ADAM9: variants seen among roughly 807,000 people sequenced by gnomAD.
ADAM9 encodes disintegrin and metalloproteinase domain-containing protein 9.
A neutral mutation model predicts 108.1 loss-of-function variants in ADAM9; 54 were observed. The observed-to-expected ratio is 0.50, with a 90% CI of 0.40 to 0.63. The LOEUF is 0.63. Among genes scored for constraint, ADAM9 ranks in the 20% least tolerant of loss-of-function variants. ADAM9 has a pLI of 0.00. For synonymous variants in ADAM9, 316 were observed against 336.0 expected (o/e 0.94, Z 0.65); for missense variants, 830 against 997.7 (o/e 0.83, Z 2.26).
chr8:39,042,788 CT>C (rs1408869068), intron 12 of ADAM9, among the ~76,000 whole-genome samples: 12 of 151,964 alleles, frequency 7.9e-5, no homozygotes, highest in African/African-American at 2.7e-4. Context: ...GAAATTGATC[CT>C]TCTAAGAGAT....
At chr8:39,018,081 T>G (rs1836603581) in intron 6 of ADAM9, among the ~76,000 whole-genome samples, 1 of 152,210 alleles carries the variant, frequency 6.6e-6, no homozygotes, top group South Asian at 2.1e-4. Context: ...GCTATAGCAC[T>G]TCATGATTTA....
At position 39,046,902 on chromosome 8, in the gene ADAM9, G is replaced by C. The variant is rs1353230429; in HGVS notation, c.1302+4785G>C. Among the ~76,000 whole-genome samples the C allele has an allele frequency of 3.9e-5, 6 of 152,008 alleles. No homozygotes were observed. In the South Asian group the frequency reaches 1.2e-3, roughly 32 times the overall value. On this transcript the variant is annotated intron_variant, in intron 12 of 21. Transcript: ENST00000487273. ...TCGTGCCTCAGCCTCTTGAGTAGTC[G>C]GGACTACAGGCATATGCCACCATGC... is the stretch of plus-strand genomic sequence containing the variant.
chr8:39,039,151 A>G (rs1294124826), intron 11 of ADAM9, among the ~76,000 whole-genome samples: 4 of 152,194 alleles, frequency 2.6e-5, no homozygotes, highest in South Asian at 4.1e-4. Context: ...CAAGCTATAG[A>G]TAGGGCTGCT....
intron 14 of ADAM9, among the ~76,000 whole-genome samples, chr8:39,064,486 C>G (rs1036231084): frequency 2.6e-5 from 4 of 152,140 alleles, no homozygotes; most frequent in African/African-American, 9.6e-5. Flanking sequence ...AACTGAAAAT[C>G]CCAGATTTGT....
chr8:39,054,603 A>C (rs78564676), intron 13 of ADAM9, 30 bp downstream of exon 13: 3 of 275,630 alleles, frequency 1.1e-5, no homozygotes, highest in Non-Finnish European at 9.7e-6. Flanking sequence ...TGGAAACAGG[A>C]AAAAAAAAAA....
At chr8:39,008,318 G>A (rs1479102936) in intron 2 of ADAM9, among the ~76,000 whole-genome samples, 1 of 152,002 alleles carries the variant, frequency 6.6e-6, no homozygotes, top group East Asian at 1.9e-4. Flanking sequence ...CTACAGGCAT[G>A]TGCCACCATG....
intron 20 of ADAM9, among the ~76,000 whole-genome samples, chr8:39,098,121 T>C (rs868671021): frequency 2.6e-5 from 4 of 152,194 alleles, no homozygotes; most frequent in South Asian, 2.1e-4. Flanking sequence ...CTTTTTTTTT[T>C]CCTAAGAACT....
At chr8:39,017,080 T>C (rs2129433149) in intron 5 of ADAM9, 139 bp from the exon 6 acceptor site, 1 of 919,542 alleles carries the variant, frequency 1.1e-6, no homozygotes, top group South Asian at 1.5e-5. Context: ...ATCTGTCTGA[T>C]TCTAAAGCCT....
At chr8:39,080,957 T>G (rs1839003936) in intron 16 of ADAM9, among the ~76,000 whole-genome samples, 1 of 149,832 alleles carries the variant, frequency 6.7e-6, no homozygotes, top group Non-Finnish European at 1.5e-5. Flanking sequence ...AGTTTTTTTT[T>G]TTTTTTTTTT....
chr8:39,026,821 G>C lies in ADAM9; in HGVS notation c.1130+11G>C, dbSNP rs2129434449. 6.9e-7 allele frequency: 1 copy of C among 1,455,322 alleles called. No individual in the cohort carries two copies. The allele number at this position is 1,455,322 out of a possible 1,614,324, so 90.2% of individuals were successfully genotyped here. A position where few individuals can be genotyped will look rare whatever the true frequency, so the allele number is the denominator to read the frequency against. ...GAATTCAGGAGCATCGTGAGTACCT[G>C]GGTTCTTCTTCTCCTTTATTTGGTA... On this transcript the variant is annotated intron_variant, in intron 11 of 21. Transcript: ENST00000487273.
At chr8:39,042,232 G>A (rs1343790592) in intron 12 of ADAM9, 115 bp downstream of exon 12, 1 of 1,133,432 alleles carries the variant, frequency 8.8e-7, no homozygotes, top group African/African-American at 1.5e-5. Flanking sequence ...TAGTGGCACA[G>A]TGAGGATTGT....
chr8:39,083,704 ACTGTTAGCACTAT>A (rs1485045030), intron 18 of ADAM9, among the ~76,000 whole-genome samples: 1 of 152,274 alleles, frequency 6.6e-6, no homozygotes, highest in East Asian at 1.9e-4. Flanking sequence ...CTTTTCTAGT[ACTGTTAGCACTAT>A]CTGTTAGCAC....
chr8:39,008,196 T>G (rs1836227555), intron 2 of ADAM9, among the ~76,000 whole-genome samples: 1 of 151,066 alleles, frequency 6.6e-6, no homozygotes. Context: ...TAAAATGGAG[T>G]CTTGCTCTGT....
intron 18 of ADAM9, among the ~76,000 whole-genome samples, chr8:39,088,846 T>C (rs1318176046): frequency 6.6e-6 from 1 of 152,286 alleles, no homozygotes; most frequent in East Asian, 1.9e-4. Context: ...TGGACAAAGC[T>C]AATCTCTCTA....
At chr8:39,048,065 C>T (rs556315394) in intron 12 of ADAM9, among the ~76,000 whole-genome samples, 23 of 151,922 alleles carry the variant, frequency 1.5e-4, no homozygotes, top group African/African-American at 4.1e-4. Flanking sequence ...GGATTACAGG[C>T]GCGCACCACC....
At position 39,045,092 on chromosome 8, in the gene ADAM9, A is replaced by C. The variant is rs542851003; in HGVS notation, c.1302+2975A>C. Reference sequence around the variant, plus strand: ...TACATATGTGTGTGTGCATACATACATATGTGTGTGTGCATACATACATAT... The same window carrying C: ...TACATATGTGTGTGTGCATACATACCTATGTGTGTGTGCATACATACATAT... On this transcript the variant is annotated intron_variant, in intron 12 of 21. Transcript: ENST00000487273. 2.5e-4 allele frequency among the ~76,000 whole-genome samples: 7 copies of C among 27,608 alleles called. 1 individual carries two copies. Among genetic ancestry groups the C allele is most frequent in the East Asian group, 2.9e-3 (1 of 348 alleles). The allele number at this position is 27,608 out of a possible 152,430, so 18.1% of individuals were successfully genotyped here.
intron 1 of ADAM9, among the ~76,000 whole-genome samples, chr8:38,999,287 G>A (rs1835924518): frequency 6.6e-6 from 1 of 151,464 alleles, no homozygotes; most frequent in Non-Finnish European, 1.5e-5. Context: ...GTCTCAATGA[G>A]GAAATGCAGT....
At chr8:39,077,472 A>T in intron 16 of ADAM9, 61 bp downstream of exon 16, 4 of 1,439,956 alleles carry the variant, frequency 2.8e-6, no homozygotes, top group Non-Finnish European at 3.8e-6. Context: ...ATTATTATAC[A>T]TAGTAAGTGG....
intron 21 of ADAM9, among the ~76,000 whole-genome samples, chr8:39,102,419 A>G (rs1839729056): frequency 6.6e-6 from 1 of 152,164 alleles, no homozygotes; most frequent in Admixed American, 6.5e-5. Context: ...TGTTCTGACA[A>G]CAGAGAGGCT....
Sources: allele counts gnomAD v4.1 joint callset (sites outside exome capture counted in the v4.1 genomes callset), GRCh38; gene constraint gnomAD v4.1.1; transcripts MANE v1.5; gene names NCBI Gene and HGNC (gene_info 2026-07-23, HGNC 2026-07-21).